Variants in GPC5 observed in about 807,000 individuals in gnomAD.
GPC5 encodes glypican 5, also known as glypican-5.
Under a neutral mutation model 53.9 loss-of-function variants are expected in GPC5, and 47 were observed. The observed-to-expected ratio is 0.87, with a 90% confidence interval of 0.69 to 1.11. GPC5 has a LOEUF of 1.11. Among genes scored for constraint, GPC5 ranks in the 50% most tolerant of loss-of-function variants. The pLI is 0.00. For missense variants in GPC5, 748 were observed against 713.1 expected (o/e 1.05, Z -0.56); for synonymous variants, 286 against 263.3 (o/e 1.09, Z -0.84).
chr13:91,422,695 G>A (rs1225191805), intron 1 of GPC5, among the ~76,000 whole-genome samples: 1 of 151,960 alleles, frequency 6.6e-6, no homozygotes, highest in Non-Finnish European at 1.5e-5. Flanking sequence ...GTCAGCTTGA[G>A]GGGCTGCATC....
intron 7 of GPC5, among the ~76,000 whole-genome samples, chr13:92,395,633 C>T (rs1875233618): frequency 6.6e-6 from 1 of 151,944 alleles, no homozygotes; most frequent in African/African-American, 2.4e-5. Flanking sequence ...GGCATTTTGT[C>T]TTAGAAAGTC....
intron 6 of GPC5, among the ~76,000 whole-genome samples, chr13:92,111,838 C>T (rs1246713279): frequency 6.6e-6 from 1 of 152,028 alleles, no homozygotes; most frequent in African/African-American, 2.4e-5. Context: ...CAACAAAATC[C>T]AAGAATACCT....
At chr13:91,828,339 A>G (rs1353199076) in intron 5 of GPC5, among the ~76,000 whole-genome samples, 1 of 129,510 alleles carries the variant, frequency 7.7e-6, no homozygotes, top group Non-Finnish European at 1.7e-5. Context: ...TCCAATATAG[A>G]TAGGTAGATA....
At chr13:92,417,075 G>A (rs1363436935) in intron 7 of GPC5, among the ~76,000 whole-genome samples, 2 of 152,166 alleles carry the variant, frequency 1.3e-5, no homozygotes, top group African/African-American at 2.4e-5. Flanking sequence ...AAGTCACGCC[G>A]TTGTAAGTCA....
intron 7 of GPC5, among the ~76,000 whole-genome samples, chr13:92,283,292 G>A (rs1448152117): frequency 6.6e-6 from 1 of 152,164 alleles, no homozygotes; most frequent in African/African-American, 2.4e-5. Flanking sequence ...CAATAATAAT[G>A]TGAGACTTTA....
intron 2 of GPC5, among the ~76,000 whole-genome samples, chr13:91,494,044 T>A (rs138896002): frequency 0.011 from 1,706 of 151,894 alleles, 42 homozygotes; most frequent in African/African-American, 0.039. Context: ...CGGCTAATTT[T>A]TTTTTTATTT....
At chr13:92,441,062 G>C (rs1422294151) in intron 7 of GPC5, among the ~76,000 whole-genome samples, 1 of 151,884 alleles carries the variant, frequency 6.6e-6, no homozygotes, top group Non-Finnish European at 1.5e-5. Context: ...AGTTTAATTA[G>C]GTCTCATTTA....
chr13:92,811,634 A>G (rs1392895996), intron 7 of GPC5, among the ~76,000 whole-genome samples: 1 of 151,838 alleles, frequency 6.6e-6, no homozygotes, highest in Non-Finnish European at 1.5e-5. Flanking sequence ...AATTTTTATT[A>G]CTTTTTCTTT....
At chr13:92,341,246 G>A (rs1327923431) in intron 7 of GPC5, among the ~76,000 whole-genome samples, 2 of 151,960 alleles carry the variant, frequency 1.3e-5, no homozygotes, top group African/African-American at 2.4e-5. Context: ...CTTTACTCTG[G>A]TGTTTCACAA....
intron 5 of GPC5, among the ~76,000 whole-genome samples, chr13:91,791,110 GAGACCC>G (rs775902187): frequency 1.3e-5 from 2 of 152,168 alleles, no homozygotes; most frequent in Non-Finnish European, 2.9e-5. Context: ...TAAAAGCCGT[GAGACCC>G]AGAATAAATG....
chr13:92,658,928 T>TTG (rs1555299937), intron 7 of GPC5: 1 of 130,984 alleles, frequency 7.6e-6, no homozygotes, highest in Non-Finnish European at 1.7e-5. Flanking sequence ...TGTTTTGTTT[T>TTG]TTTTTTTTTT....
At position 92,602,233 on chromosome 13, in the gene GPC5, CATATATATAT is replaced by C. The variant is rs149450440; in HGVS notation, c.1562-264028_1562-264019del. ...TACATATATATAAATATATATATAA[CATATATATAT>C]ATATATATATATATATATATGCACA... On this transcript the variant is annotated intron_variant, in intron 7 of 7. Coordinates refer to ENST00000377067, the MANE Select transcript of GPC5 (RefSeq NM_004466.6). Among the ~76,000 whole-genome samples, 134 of 119,482 alleles carry C rather than the reference CATATATATAT, an allele frequency of 1.1e-3. 1 individual carries two copies. The highest frequency in any genetic ancestry group is 4.5e-3 in the African/African-American group (134 of 29,794). The allele number at this position is 119,482 out of a possible 152,430, so 78.4% of individuals were successfully genotyped here.
intron 5 of GPC5, among the ~76,000 whole-genome samples, chr13:91,765,356 G>A (rs1288930101): frequency 6.6e-6 from 1 of 152,226 alleles, no homozygotes; most frequent in Non-Finnish European, 1.5e-5. Flanking sequence ...ATGTCAAACT[G>A]TGGGACTGAA....
rs185697439 is a variant in GPC5, at chr13:91,963,554, T to C, written c.1401+55497T>C. ...TTGTTGGAAGTGTAGATTGGTCATA[T>C]GTAGCAGAGACACATTATGGAATAC... On this transcript the variant is annotated intron_variant, in intron 6 of 7. Coordinates refer to ENST00000377067, the MANE Select transcript of GPC5 (RefSeq NM_004466.6). Among the ~76,000 whole-genome samples the C allele has an allele frequency of 3.1e-3, 468 of 152,114 alleles. 3 individuals are homozygous for C. Among genetic ancestry groups the C allele is most frequent in the African/African-American group, 1.0e-2 (414 of 41,488 alleles).
intron 5 of GPC5, among the ~76,000 whole-genome samples, chr13:91,838,052 G>A (rs1205646955): frequency 1.3e-5 from 2 of 152,162 alleles, no homozygotes; most frequent in African/African-American, 4.8e-5. Flanking sequence ...AGTGACAAAT[G>A]GAGCAGAGAG....
intron 2 of GPC5, among the ~76,000 whole-genome samples, chr13:91,671,823 C>T (rs1305243231): frequency 1.5e-5 from 2 of 132,056 alleles, no homozygotes; most frequent in South Asian, 2.5e-4. Flanking sequence ...GGAGGCATCA[C>T]GCTACCAGAC....
rs144666299 is a variant in GPC5 at position 92,866,356 on chromosome 13, A to G, written c.1636A>G (p.Thr546Ala). Residue 546 changes from threonine to alanine, a missense_variant, in exon 8 of 8, where the codon ACA (threonine) becomes GCA (alanine). Thr to Ala is a moderately conservative substitution (Grantham distance 58). Transcript: ENST00000377067. ...AGACACTGGCAGTACTTTAGACACA[A>G]CAGGAGCAGGATGTGCAGTGGCGAC... ...QTDTGSTLDT[T>A]GAGCAVATES... 1 of 1,613,264 alleles carries G rather than the reference A, an allele frequency of 6.2e-7. No individual in the cohort carries two copies. The highest frequency in any genetic ancestry group is 1.3e-5 in the African/African-American group (1 of 74,990).
At chr13:92,331,110 G>C (rs192454037) in intron 7 of GPC5, among the ~76,000 whole-genome samples, 1 of 152,012 alleles carries the variant, frequency 6.6e-6, no homozygotes, top group Non-Finnish European at 1.5e-5. Flanking sequence ...GGTACATGTC[G>C]AATCTCTAAT....
At position 92,514,981 on chromosome 13, in the gene GPC5, A is replaced by G. The variant is rs1880716276; in HGVS notation, c.1562-351301A>G. On this transcript the variant is annotated intron_variant, in intron 7 of 7. Transcript: ENST00000377067. ...GCAGACTCCACAGAAACGCAGGGAG[A>G]TGACAGAACATATTTGTTGAAAAAT... Among the ~76,000 whole-genome samples, 4 of 152,308 alleles carry G rather than the reference A, an allele frequency of 2.6e-5. No individual in the cohort carries two copies. In the South Asian group the frequency reaches 6.2e-4, roughly 24 times the overall value.
Sources: allele counts gnomAD v4.1 joint callset (sites outside exome capture counted in the v4.1 genomes callset), GRCh38; gene constraint gnomAD v4.1.1; transcripts MANE v1.5; gene names NCBI Gene and HGNC (gene_info 2026-07-23, HGNC 2026-07-21).